Variants in KIF3A observed in about 807,000 individuals in gnomAD.
The protein encoded by KIF3A is kinesin family member 3A.
A neutral mutation model predicts 92.6 loss-of-function variants in KIF3A; 27 were observed. The ratio of observed to expected loss-of-function variants is 0.29; its 90% CI spans 0.21 to 0.40. KIF3A has a LOEUF of 0.40. Among genes scored for constraint, KIF3A ranks in the 10% least tolerant of loss-of-function variants. KIF3A has a pLI of 1.00. For synonymous variants in KIF3A, 250 were observed against 275.4 expected (o/e 0.91, Z 0.92); for missense variants, 581 against 872.6 (o/e 0.67, Z 4.21).
intron 18 of KIF3A, 136 bp downstream of exon 18, chr5:132,699,035 G>A (rs1244527931): frequency 1.1e-6 from 1 of 908,604 alleles, no homozygotes; most frequent in Non-Finnish European, 1.7e-6. Context: ...ACTGTGCCCA[G>A]CCAGGAATTT....
At chr5:132,701,999 A>G (rs776700091) in intron 15 of KIF3A, 88 bp downstream of exon 15, 1 of 1,334,698 alleles carries the variant, frequency 7.5e-7, no homozygotes, top group Non-Finnish European at 1.0e-6. Flanking sequence ...TAACTGAAGT[A>G]TTAAGTATTT....
chr5:132,731,137 T>A (rs193242042), intron 2 of KIF3A, among the ~76,000 whole-genome samples: 1 of 152,166 alleles, frequency 6.6e-6, no homozygotes. Flanking sequence ...CAAATTCTTC[T>A]AGAAAACTGA....
chr5:132,715,991 T>C, intron 7 of KIF3A, 60 bp from the exon 8 acceptor site: 2 of 1,207,550 alleles, frequency 1.7e-6, no homozygotes, highest in Middle Eastern at 4.9e-4. Context: ...AAATTAATAC[T>C]ACCATTACAA....
At chr5:132,736,807 A>C (rs770469499) in intron 1 of KIF3A, 55 of 458,490 alleles carry the variant, frequency 1.2e-4, no homozygotes, top group Non-Finnish European at 2.2e-4. Context: ...ACCCCTAATA[A>C]GGGGTCTTAG....
At chr5:132,733,369 T>C (rs760883079) in intron 2 of KIF3A, among the ~76,000 whole-genome samples, 103 of 152,152 alleles carry the variant, frequency 6.8e-4, no homozygotes, top group Non-Finnish European at 1.3e-3. Flanking sequence ...AGCAATCCTA[T>C]TCACAATAGC....
chr5:132,729,948 A>C (rs1754166172), intron 2 of KIF3A, among the ~76,000 whole-genome samples: 1 of 152,150 alleles, frequency 6.6e-6, no homozygotes, highest in African/African-American at 2.4e-5. Flanking sequence ...TAAAACCAAA[A>C]GCTGGTTCTC....
chr5:132,726,645 C>T lies in KIF3A; in HGVS notation c.281-147G>A, dbSNP rs1043690093. 6 of 678,284 alleles carry T rather than the reference C, an allele frequency of 8.8e-6. No individual in the cohort carries two copies. In the African/African-American group the frequency reaches 9.0e-5, roughly 10 times the overall value. The allele number at this position is 678,284 out of a possible 1,614,324, so 42.0% of individuals were successfully genotyped here. A position where few individuals can be genotyped will look rare whatever the true frequency, so the allele number is the denominator to read the frequency against. ...GCACAAGTTTCACCTTTATTATCAA[C>T]AATTACAATGCGTACTCTGTACCAC... On this transcript the variant is annotated intron_variant, in intron 2 of 18. Transcript: ENST00000403231.
Position 132,696,634 on chromosome 5 carries a change from T to C in KIF3A, c.2181A>G (p.Ter727=). The C allele has an allele frequency of 6.3e-7, 1 of 1,594,144 alleles. No homozygotes were observed. The highest frequency in any genetic ancestry group is 8.6e-7 in the Non-Finnish European group (1 of 1,162,172). Residue 727 remains the stop codon, a stop_retained_variant, in exon 19 of 19, where the codon TAA becomes TAG. Coordinates refer to ENST00000403231, the MANE Select transcript of KIF3A (RefSeq NM_001300791.2). ...PETVIDSLLQ[*] ...TATTGTGACTTTAAGTCTGTAACAT[T>C]TACTGCAGTAAAGAGTCAATTACAG...
chr5:132,689,661 A>G (rs1361258293), downstream of KIF3A: 1 of 152,258 alleles, frequency 6.6e-6, no homozygotes, highest in Non-Finnish European at 1.5e-5. Flanking sequence ...CAACACAGGC[A>G]GTAACAGACG....
chr5:132,716,798 T>A (rs1753640777), intron 6 of KIF3A, 47 bp downstream of exon 6: 2 of 1,577,790 alleles, frequency 1.3e-6, no homozygotes, highest in Admixed American at 3.8e-5. Flanking sequence ...ATAAAATAAA[T>A]GGATCACAAG....
chr5:132,724,806 A>AAAAAAATTT (rs59476182), intron 4 of KIF3A, among the ~76,000 whole-genome samples: 3 of 22,692 alleles, frequency 1.3e-4, no homozygotes, highest in South Asian at 1.5e-3. Context: ...AAAAAAAAAA[A>AAAAAAATTT]ATATATATAT....
At chr5:132,710,616 A>C (rs1185695226) in intron 9 of KIF3A, among the ~76,000 whole-genome samples, 1 of 152,306 alleles carries the variant, frequency 6.6e-6, no homozygotes, top group Admixed American at 6.5e-5. Flanking sequence ...ACTCCGTCTC[A>C]AAACAAACAA....
intron 8 of KIF3A, among the ~76,000 whole-genome samples, chr5:132,712,183 G>C (rs6864396): frequency 0.59 from 89,554 of 152,002 alleles, 28,552 homozygotes; most frequent in Non-Finnish European, 0.74. Context: ...CCCAAAACTG[G>C]GTTTCTAAAT....
chr5:132,710,854 G>A, intron 9 of KIF3A, 105 bp downstream of exon 9: 1 of 1,466,594 alleles, frequency 6.8e-7, no homozygotes, highest in Non-Finnish European at 9.3e-7. Flanking sequence ...TGTTCTAATT[G>A]TTATCTAATA....
chr5:132,725,633 C>T (rs1023510148), intron 4 of KIF3A, among the ~76,000 whole-genome samples: 2 of 152,124 alleles, frequency 1.3e-5, no homozygotes, highest in African/African-American at 4.8e-5. Flanking sequence ...TCAGTAAAAT[C>T]GAACTGCTGG....
At chr5:132,722,280 A>G (rs144171372) in intron 4 of KIF3A, among the ~76,000 whole-genome samples, 228 of 152,336 alleles carry the variant, frequency 1.5e-3, no homozygotes, top group African/African-American at 5.1e-3. Flanking sequence ...TATAATTCCA[A>G]ATGTGTGAAA....
At chr5:132,700,157 C>A in intron 17 of KIF3A, 59 bp downstream of exon 17, 1 of 919,198 alleles carries the variant, frequency 1.1e-6, no homozygotes, top group South Asian at 1.5e-5. Context: ...GACTCATATT[C>A]CTATAAAGAA....
At chr5:132,720,301 C>A (rs1753783042) in intron 5 of KIF3A, among the ~76,000 whole-genome samples, 1 of 152,204 alleles carries the variant, frequency 6.6e-6, no homozygotes, top group African/African-American at 2.4e-5. Context: ...GCACTTAGCA[C>A]AAGCACTCTC....
In KIF3A at chr5:132,737,518, C is replaced by A. The variant is rs978550820; in HGVS notation, c.-99G>T. 9 of 1,396,854 alleles carry A rather than the reference C, an allele frequency of 6.4e-6. No individual in the cohort carries two copies. Among genetic ancestry groups the A allele is most frequent in the African/African-American group, 1.5e-5 (1 of 68,448 alleles). 86.5% of individuals were successfully genotyped at this position (1,396,854 alleles called of 1,614,324 possible). The stretch of plus-strand genomic sequence containing the variant: ...ATGGCCAGAGACTACCGAAACACCT[C>A]GTTGACGCTCTCGAGACTGCGGCTT... On this transcript the variant is annotated 5_prime_UTR_variant, in exon 1 of 19. Coordinates refer to ENST00000403231, the MANE Select transcript of KIF3A (RefSeq NM_001300791.2).
Sources: gnomAD v4.1 joint callset for allele counts (sites outside exome capture counted in the v4.1 genomes callset) on GRCh38, gnomAD v4.1.1 for gene constraint, MANE v1.5 for transcripts, NCBI Gene and HGNC (gene_info 2026-07-23, HGNC 2026-07-21) for gene names.